ALG6: variants seen among roughly 807,000 people sequenced by gnomAD.
ALG6 encodes the protein ALG6 alpha-1,3-glucosyltransferase.
ALG6 carries 46 observed loss-of-function variants against 66.6 expected under a neutral mutation model. The ratio of observed to expected loss-of-function variants is 0.69; its 90% confidence interval spans 0.55 to 0.88. The LOEUF (loss-of-function observed/expected upper bound fraction) is 0.88, where lower values mean the gene tolerates loss of function less well. Ranked by LOEUF, ALG6 falls within the 40% of genes least tolerant of loss-of-function variation. The probability of loss-of-function intolerance (pLI) is 0.00; values close to 1 mark genes in which losing one functional copy is unlikely to be tolerated. For synonymous variants in ALG6, 185 were observed against 203.7 expected (o/e 0.91, Z 0.78); for missense variants, 505 against 586.8 (o/e 0.86, Z 1.44).
At position 63,414,121 on chromosome 1, in the gene ALG6, C is replaced by T. The variant is rs866038394; in HGVS notation, c.877C>T (p.Pro293Ser). 3 of 1,611,682 alleles carry T rather than the reference C, an allele frequency of 1.9e-6. No individual in the cohort carries two copies. Among genetic ancestry groups the T allele is most frequent in the East Asian group, 2.2e-5 (1 of 44,792 alleles). Residue 293 changes from proline (P) to serine (S), a missense_variant, in exon 10 of 15, where the codon CCA becomes TCA. By Grantham distance (74) the Pro-to-Ser change is moderately conservative. Coordinates refer to ENST00000263440, the MANE Select transcript of ALG6 (RefSeq NM_013339.4). ...CTTTCTGAAGATTAAGGATATTTTG[C>T]CACGTCACATCCAATTAATAATGAG... is the stretch of plus-strand genomic sequence containing the variant. ...NVFLKIKDIL[P>S]RHIQLIMSFC...
rs1644694981 is a variant in ALG6 at position 63,437,881 on chromosome 1, C to A, written c.*861C>A. 6.6e-6 allele frequency: 1 copy of A among 151,916 alleles called. No homozygotes were observed. The allele number at this position is 151,916 out of a possible 1,614,324, so 9.4% of individuals were successfully genotyped here. On this transcript the variant is annotated 3_prime_UTR_variant, in exon 15 of 15. Coordinates refer to ENST00000263440, the MANE Select transcript of ALG6 (RefSeq NM_013339.4). ...CCAGAGCATTGATTCATGTTAACTT[C>A]ATCCTATTAATACTGTATCACCCTG...
Position 63,411,154 on chromosome 1 carries a change from CTG to C in ALG6, c.506_507del (p.Val169GlufsTer15), listed in dbSNP as rs1274913587. On this transcript the variant is annotated frameshift_variant, in exon 8 of 15. Transcript: ENST00000263440. LOFTEE classifies it high-confidence loss of function. ...CCTTGACACAGGAACATATATAATT[CTG>C]TGAGTCTTGGCTTTGCTTTGTGGGG... 1.2e-5 allele frequency: 19 copies of C among 1,613,500 alleles called. No individual in the cohort carries two copies. The highest frequency in any genetic ancestry group is 1.5e-5 in the Non-Finnish European group (18 of 1,179,794).
At chr1:63,390,990 A>G (rs1425376175) in intron 2 of ALG6, among the ~76,000 whole-genome samples, 2 of 152,152 alleles carry the variant, frequency 1.3e-5, no homozygotes, top group Admixed American at 6.5e-5. Flanking sequence ...ATTCTTATGA[A>G]GGTACTTTCT....
intron 12 of ALG6, among the ~76,000 whole-genome samples, chr1:63,421,223 A>C (rs539673286): frequency 2.7e-4 from 41 of 152,194 alleles, no homozygotes; most frequent in South Asian, 8.3e-4. Context: ...TTGTTGCCCA[A>C]GCTGGAGTGC....
At chr1:63,389,766 G>T (rs1053548763) in intron 2 of ALG6, among the ~76,000 whole-genome samples, 5 of 152,098 alleles carry the variant, frequency 3.3e-5, no homozygotes, top group Non-Finnish European at 7.4e-5. Flanking sequence ...ATCCATGGTC[G>T]CTGCAGCCAT....
intron 5 of ALG6, 152 bp downstream of exon 5, chr1:63,404,693 C>A: frequency 4.4e-6 from 3 of 689,110 alleles, no homozygotes; most frequent in Non-Finnish European, 7.7e-6. Context: ...TATACATGAT[C>A]CAAGACCAAA....
intron 2 of ALG6, among the ~76,000 whole-genome samples, chr1:63,395,146 G>A (rs2100403635): frequency 6.6e-6 from 1 of 152,262 alleles, no homozygotes; most frequent in South Asian, 2.1e-4. Context: ...TTACAGGTGT[G>A]AGCCTCCGCG....
chr1:63,410,119 T>A (rs1644509181), intron 7 of ALG6, among the ~76,000 whole-genome samples: 1 of 152,082 alleles, frequency 6.6e-6, no homozygotes, highest in South Asian at 2.1e-4. Context: ...CTACCCTGAG[T>A]CTCCTCTATG....
At position 63,437,442 on chromosome 1, in the gene ALG6, A is replaced by G. The variant is rs1407909680; in HGVS notation, c.*422A>G. 1 of 171,214 alleles carries G rather than the reference A, an allele frequency of 5.8e-6. No homozygotes were observed. Among genetic ancestry groups the G allele is most frequent in the Non-Finnish European group, 1.3e-5 (1 of 79,986 alleles). 10.6% of individuals were successfully genotyped at this position (171,214 alleles called of 1,614,324 possible). On this transcript the variant is annotated 3_prime_UTR_variant, in exon 15 of 15. Transcript: ENST00000263440. The stretch of plus-strand genomic sequence containing the variant: ...GGGAGAATTGAGCCCCTTCTTTTTA[A>G]TGGAAATCACTAATTTTGGTATTCA...
chr1:63,411,252 CAGATGGAACTTT>C lies in ALG6; in HGVS notation c.603_614del (p.Gln201_Tyr205delinsHis). On this transcript the variant is annotated inframe_deletion, in exon 8 of 15. Transcript: ENST00000263440. ...ATTTTGCTTAGCTATAAATTATAAACAGATGGAACTTTACCACGCCTTGCCATTTTTTTGCTT... is the reference window on the plus strand; with the variant it reads ...ATTTTGCTTAGCTATAAATTATAAACACCACGCCTTGCCATTTTTTTGCTT... 1 of 1,613,940 alleles carries C rather than the reference CAGATGGAACTTT, an allele frequency of 6.2e-7. No homozygotes were observed. The highest frequency in any genetic ancestry group is 8.5e-7 in the Non-Finnish European group (1 of 1,179,898).
chr1:63,432,322 A>T (rs1023318723), intron 14 of ALG6, among the ~76,000 whole-genome samples: 6 of 151,528 alleles, frequency 4.0e-5, no homozygotes. Context: ...ATGTTACACT[A>T]ACCTTGAATT....
At chr1:63,379,942 A>G (rs1648250936) in intron 2 of ALG6, among the ~76,000 whole-genome samples, 1 of 151,966 alleles carries the variant, frequency 6.6e-6, no homozygotes, top group Admixed American at 6.6e-5. Context: ...CAGAGGGTTA[A>G]TAGACATGAT....
At chr1:63,414,272 G>A in intron 10 of ALG6, 126 bp downstream of exon 10, 1 of 657,126 alleles carries the variant, frequency 1.5e-6, no homozygotes, top group South Asian at 1.8e-5. Flanking sequence ...TTTTTTTTGA[G>A]ACAGAGTCTG....
chr1:63,408,800 T>G (rs1644502368), intron 7 of ALG6, among the ~76,000 whole-genome samples: 1 of 152,188 alleles, frequency 6.6e-6, no homozygotes, highest in African/African-American at 2.4e-5. Context: ...AGACGGAGTT[T>G]CGGAGTTTCG....
intron 12 of ALG6, among the ~76,000 whole-genome samples, chr1:63,422,088 T>TATATAAATATATAA (rs1217440372): frequency 1.7e-5 from 2 of 118,982 alleles, no homozygotes; most frequent in East Asian, 4.5e-4. Context: ...TATAAATAAA[T>TATATAAATATATAA]ATATAAATAT....
At position 63,400,211 on chromosome 1, in the gene ALG6, ATATATATATACGT is replaced by A. The variant is rs1557587253; in HGVS notation, c.168-2042_168-2030del. Among the ~76,000 whole-genome samples the A allele has an allele frequency of 7.3e-3, 227 of 31,238 alleles. 12 individuals are homozygous for A. The highest frequency in any genetic ancestry group is 0.022 in the South Asian group (10 of 452). 20.5% of individuals were successfully genotyped at this position (31,238 alleles called of 152,430 possible). ...CTCTGTCTCAAAAAAAAAAAAATAT[ATATATATATACGT>A]ATATATATATATATATATACGTATA... On this transcript the variant is annotated intron_variant, in intron 3 of 14. Coordinates refer to ENST00000263440, the MANE Select transcript of ALG6 (RefSeq NM_013339.4).
intron 7 of ALG6, among the ~76,000 whole-genome samples, chr1:63,408,858 C>T (rs1458069772): frequency 1.3e-5 from 2 of 152,228 alleles, no homozygotes; most frequent in Admixed American, 1.3e-4. Flanking sequence ...TGGCTCGCTG[C>T]AACCTCTGCC....
chr1:63,428,673 C>T, intron 12 of ALG6, 60 bp from the exon 13 acceptor site: 2 of 1,213,358 alleles, frequency 1.6e-6, no homozygotes, highest in Non-Finnish European at 2.4e-6. Flanking sequence ...ATATTTTTTA[C>T]AATTAGGAGT....
intron 14 of ALG6, among the ~76,000 whole-genome samples, chr1:63,430,815 A>G (rs1051838703): frequency 4.6e-5 from 7 of 151,858 alleles, no homozygotes; most frequent in East Asian, 3.9e-4. Context: ...TAACTTGCAA[A>G]TATCCTCTCC....
Sources: gnomAD v4.1 joint callset for allele counts (sites outside exome capture counted in the v4.1 genomes callset) on GRCh38, gnomAD v4.1.1 for gene constraint, MANE v1.5 for transcripts, NCBI Gene and HGNC (gene_info 2026-07-23, HGNC 2026-07-21) for gene names.